CERS3: variants seen among roughly 807,000 people sequenced by gnomAD.
CERS3 encodes the protein LAG1 homolog, ceramide synthase 3.
In CERS3, 33 loss-of-function variants were observed where a neutral mutation model predicts 50.3. That is an observed-to-expected ratio of 0.66 (90% CI 0.50 to 0.88). The LOEUF (loss-of-function observed/expected upper bound fraction) is 0.88. Ranked by LOEUF, CERS3 falls within the 40% of genes least tolerant of loss-of-function variation. CERS3 has a pLI of 0.00. For missense variants in CERS3, 470 were observed against 460.3 expected, an observed-to-expected ratio of 1.02 and a Z score of -0.19; for synonymous variants, 176 against 155.2, an observed-to-expected ratio of 1.13 and a Z score of -0.99.
In CERS3 at chr15:100,501,820, C is replaced by T; in HGVS notation, c.30G>A (p.Trp10Ter). MFWTFKEWF[W>*]LERFWLPPTI... ...TTGGAGGAAGCCAGAATCTTTCCAACCAGAACCATTCTTTAAACGTCCAAA... is the reference window on the plus strand; with the variant it reads ...TTGGAGGAAGCCAGAATCTTTCCAATCAGAACCATTCTTTAAACGTCCAAA... Residue 10 changes from tryptophan to a stop codon, truncating the protein, a stop_gained, in exon 3 of 12, where the codon TGG becomes TGA. Transcript: ENST00000679737. LOFTEE classifies it high-confidence loss of function. 2 of 1,614,122 alleles carry T rather than the reference C, an allele frequency of 1.2e-6. No individual in the cohort carries two copies. The highest frequency in any genetic ancestry group is 2.2e-5 in the East Asian group (1 of 44,888).
intron 10 of CERS3, 32 bp from the exon 11 acceptor site, chr15:100,456,078 T>A: frequency 6.4e-7 from 1 of 1,558,126 alleles, no homozygotes; most frequent in Non-Finnish European, 8.7e-7. Flanking sequence ...AGAATTTCAT[T>A]ACAACCAAAG....
chr15:100,441,284 G>A (rs527577343), intron 11 of CERS3, among the ~76,000 whole-genome samples: 32 of 127,644 alleles, frequency 2.5e-4, no homozygotes, highest in South Asian at 1.5e-3. Flanking sequence ...TTATCTCTGC[G>A]CCCTGATCCC....
chr15:100,415,879 C>A (rs1417717788), intron 11 of CERS3, among the ~76,000 whole-genome samples: 1 of 151,968 alleles, frequency 6.6e-6, no homozygotes, highest in Non-Finnish European at 1.5e-5. Flanking sequence ...TTGATAGGTG[C>A]AGCAAACCAC....
At chr15:100,468,103 C>A (rs1424045135) in intron 10 of CERS3, among the ~76,000 whole-genome samples, 1 of 151,926 alleles carries the variant, frequency 6.6e-6, no homozygotes, top group African/African-American at 2.4e-5. Flanking sequence ...AGGAAAATAT[C>A]TGAGACATTT....
chr15:100,415,573 A>C (rs2142069992), intron 11 of CERS3, among the ~76,000 whole-genome samples: 1 of 152,230 alleles, frequency 6.6e-6, no homozygotes, highest in East Asian at 1.9e-4. Context: ...TAGATAAAGA[A>C]AATGTAGTAC....
chr15:100,452,657 A>C (rs912711685), intron 11 of CERS3, among the ~76,000 whole-genome samples: 15 of 152,166 alleles, frequency 9.9e-5, no homozygotes, highest in Non-Finnish European at 2.1e-4. Flanking sequence ...AACAAAGATC[A>C]GAGCAAATCT....
chr15:100,450,336 T>C (rs1266612211), intron 11 of CERS3, among the ~76,000 whole-genome samples: 1 of 150,166 alleles, frequency 6.7e-6, no homozygotes, highest in Admixed American at 6.6e-5. Flanking sequence ...GGGAATTGCT[T>C]GAACTTGGCA....
intron 9 of CERS3, 59 bp from the exon 10 acceptor site, chr15:100,469,543 A>C: frequency 2.5e-6 from 3 of 1,208,566 alleles, no homozygotes; most frequent in Non-Finnish European, 3.6e-6. Context: ...TTAAAGTTAA[A>C]TTTATAAATG....
chr15:100,494,284 G>A (rs1294413106), intron 3 of CERS3, among the ~76,000 whole-genome samples: 1 of 138,558 alleles, frequency 7.2e-6, no homozygotes, highest in Admixed American at 7.6e-5. Flanking sequence ...GTCTTGCACT[G>A]TCGCCCAGGC....
intron 11 of CERS3, among the ~76,000 whole-genome samples, chr15:100,414,014 T>C (rs184122786): frequency 6.6e-6 from 1 of 152,232 alleles, no homozygotes; most frequent in East Asian, 1.9e-4. Context: ...CTACCAGATG[T>C]ATGAAGAAGA....
At chr15:100,515,153 G>C (rs1175837161) in intron 2 of CERS3, among the ~76,000 whole-genome samples, 1 of 152,150 alleles carries the variant, frequency 6.6e-6, no homozygotes, top group Non-Finnish European at 1.5e-5. Flanking sequence ...ATATACAAAA[G>C]CTAATGGCTT....
At chr15:100,418,075 G>T (rs1009081717) in intron 11 of CERS3, among the ~76,000 whole-genome samples, 1 of 152,062 alleles carries the variant, frequency 6.6e-6, no homozygotes, top group African/African-American at 2.4e-5. Context: ...AACAAAGCTG[G>T]ATGGAGAATG....
intron 2 of CERS3, among the ~76,000 whole-genome samples, chr15:100,513,100 G>A (rs2036393387): frequency 6.6e-6 from 1 of 152,190 alleles, no homozygotes; most frequent in Admixed American, 6.5e-5. Context: ...TCGAGCCAGA[G>A]CTCTCCCCTC....
In CERS3 at chr15:100,402,728, G is replaced by C; in HGVS notation, c.1137C>G (p.Gly379=). The C allele has an allele frequency of 6.2e-7, 1 of 1,614,136 alleles. No individual in the cohort carries two copies. The highest frequency in any genetic ancestry group is 8.5e-7 in the Non-Finnish European group (1 of 1,180,032). ...AGGCTTCCAGCTAATGGCCATGCTGGCCATTGGGAATGAGGTGCCTCTCAG... is the reference window on the plus strand; with the variant it reads ...AGGCTTCCAGCTAATGGCCATGCTGCCCATTGGGAATGAGGTGCCTCTCAG... ...LRAERHLIPN[G]QHGH is the part of the protein sequence containing the mutation. Residue 379 remains glycine, a synonymous_variant, in exon 12 of 12, where the codon GGC becomes GGG. Coordinates refer to ENST00000679737, the MANE Select transcript of CERS3 (RefSeq NM_001378789.1).
chr15:100,526,028 T>C (rs1387227858), intron 1 of CERS3, among the ~76,000 whole-genome samples: 1 of 152,200 alleles, frequency 6.6e-6, no homozygotes, highest in East Asian at 1.9e-4. Context: ...TCTACCTGCA[T>C]CTGATTCCAG....
At chr15:100,466,655 C>G (rs1596709722) in intron 10 of CERS3, among the ~76,000 whole-genome samples, 2 of 72,062 alleles carry the variant, frequency 2.8e-5, no homozygotes, top group East Asian at 1.1e-3. Context: ...TGTGGGTATT[C>G]CAGCGGACAG....
At chr15:100,496,879 C>A (rs2035830547) in intron 3 of CERS3, among the ~76,000 whole-genome samples, 1 of 152,188 alleles carries the variant, frequency 6.6e-6, no homozygotes, top group East Asian at 1.9e-4. Context: ...AATAAAAACT[C>A]TCCTAAGATA....
intron 11 of CERS3, among the ~76,000 whole-genome samples, chr15:100,436,030 A>C (rs925369034): frequency 2.6e-5 from 4 of 152,228 alleles, no homozygotes; most frequent in African/African-American, 9.6e-5. Context: ...GTGGGAGTGT[A>C]AATTAGTTCA....
chr15:100,467,472 A>G (rs1267646834), intron 10 of CERS3, among the ~76,000 whole-genome samples: 1 of 152,110 alleles, frequency 6.6e-6, no homozygotes, highest in Non-Finnish European at 1.5e-5. Flanking sequence ...TAAAATGAAT[A>G]AAAACTTGCA....
Sources: gnomAD v4.1 joint callset for allele counts (sites outside exome capture counted in the v4.1 genomes callset) on GRCh38, gnomAD v4.1.1 for gene constraint, MANE v1.5 for transcripts, NCBI Gene and HGNC (gene_info 2026-07-23, HGNC 2026-07-21) for gene names.